Variants in DNAH17 observed in about 807,000 individuals in gnomAD.
The protein encoded by DNAH17 is axonemal beta dynein heavy chain 17.
DNAH17 carries 376 observed loss-of-function variants against 485.6 expected under a neutral mutation model. That is an observed-to-expected ratio of 0.77 (90% confidence interval 0.71 to 0.84). The LOEUF (loss-of-function observed/expected upper bound fraction) is 0.84, where lower values mean the gene tolerates loss of function less well. DNAH17 is among the 40% of genes least tolerant of loss of function. DNAH17 has a pLI of 0.00. For synonymous variants in DNAH17, 3,031 were observed against 2,405.9 expected, an observed-to-expected ratio of 1.26 and a Z score of -7.60; for missense variants, 6,370 against 5,839.3, an observed-to-expected ratio of 1.09 and a Z score of -2.96.
At chr17:78,496,180 A>T (rs994910974) in intron 37 of DNAH17, 148 bp from the exon 38 acceptor site, 3 of 952,866 alleles carry the variant, frequency 3.1e-6, no homozygotes, top group African/African-American at 3.3e-5. Context: ...TAAGCCTTTT[A>T]TTTTTGAGAA....
chr17:78,504,929 G>A (rs1364498694), intron 31 of DNAH17, among the ~76,000 whole-genome samples: 10 of 122,274 alleles, frequency 8.2e-5, no homozygotes, highest in South Asian at 2.6e-4. Flanking sequence ...TTTTTGAGAC[G>A]GAGTCTCACT....
intron 62 of DNAH17, among the ~76,000 whole-genome samples, chr17:78,457,966 G>A (rs186259441): frequency 6.6e-6 from 1 of 150,602 alleles, no homozygotes; most frequent in Admixed American, 6.6e-5. Context: ...CAGCTAGTCT[G>A]GCTAATTTTT....
Position 78,428,614 on chromosome 17 carries a change from T to C in DNAH17, c.12499A>G (p.Thr4167Ala). Residue 4167 changes from threonine to alanine, a missense_variant, in exon 77 of 81, where the codon ACC becomes GCC. By Grantham distance (58) the Thr-to-Ala change is moderately conservative. Transcript: ENST00000389840. ...ACAGTGCGGAACAGCTTCTCTGAGGTGACCGTCAGAAAGCCAATCTCTGCG... is the reference window on the plus strand; with the variant it reads ...ACAGTGCGGAACAGCTTCTCTGAGGCGACCGTCAGAAAGCCAATCTCTGCG... ...PNAEIGFLTV[T>A]SEKLFRTVLE... 1 of 1,613,928 alleles carries C rather than the reference T, an allele frequency of 6.2e-7. No individual in the cohort carries two copies. Among genetic ancestry groups the C allele is most frequent in the Non-Finnish European group, 8.5e-7 (1 of 1,179,892 alleles).
chr17:78,539,189 T>G (rs2091457010), intron 18 of DNAH17, among the ~76,000 whole-genome samples: 1 of 151,986 alleles, frequency 6.6e-6, no homozygotes, highest in African/African-American at 2.4e-5. Flanking sequence ...GAGATCATGC[T>G]ACTGCACTCC....
intron 16 of DNAH17, among the ~76,000 whole-genome samples, chr17:78,545,689 G>A (rs566216426): frequency 6.6e-6 from 1 of 152,270 alleles, no homozygotes; most frequent in South Asian, 2.1e-4. Flanking sequence ...ACAGTCCATG[G>A]CAGTATAATA....
intron 13 of DNAH17, among the ~76,000 whole-genome samples, chr17:78,560,372 G>T (rs938594161): frequency 4.6e-5 from 7 of 152,056 alleles, no homozygotes; most frequent in Non-Finnish European, 7.4e-5. Flanking sequence ...TGAACTTTCC[G>T]GGTTTTAGCC....
rs369770530 is a variant in DNAH17, at chr17:78,501,859, G to A, written c.5205C>T (p.Asn1735=). ...DYNKKQISQL[N]VLITLLMGNL... is the part of the protein sequence containing the mutation. ...TCCCCATGAGCAGCGTGATGAGTAC[G>A]TTCAGCTGGCTAATCTGCGGGGGAG... The change falls in exon 34 of 81, where the codon AAC becomes AAT. Residue 1735 remains asparagine (N), a synonymous_variant. Transcript: ENST00000389840. 8.1e-6 allele frequency: 13 copies of A among 1,614,036 alleles called. No individual in the cohort carries two copies. Among genetic ancestry groups the A allele is most frequent in the Middle Eastern group, 3.3e-4 (2 of 6,062 alleles).
intron 61 of DNAH17, 102 bp downstream of exon 61, chr17:78,458,899 T>C (rs1026930731): frequency 2.3e-6 from 3 of 1,323,064 alleles, no homozygotes; most frequent in Non-Finnish European, 2.1e-6. Context: ...GAATAATTCA[T>C]GACGGCGGGC....
In DNAH17 at chr17:78,468,883, T is replaced by G; in HGVS notation, c.8512A>C (p.Ile2838Leu). 6.2e-7 allele frequency: 1 copy of G among 1,612,354 alleles called. No individual in the cohort carries two copies. Among genetic ancestry groups the G allele is most frequent in the Admixed American group, 1.7e-5 (1 of 60,016 alleles). ...TTTATGTACTGAGCAGCGAGGTCAATCTGGACGGAGTGAGGACACGCTTAG... is the reference window on the plus strand; with the variant it reads ...TTTATGTACTGAGCAGCGAGGTCAAGCTGGACGGAGTGAGGACACGCTTAG... ...KKGYGIPDLK[I>L]DLAAQYIKAA... The change falls in exon 55 of 81, where the codon ATT becomes CTT. Residue 2838 changes from isoleucine to leucine, a missense_variant and splice_region_variant. Coordinates refer to ENST00000389840, the MANE Select transcript of DNAH17 (RefSeq NM_173628.4).
intron 75 of DNAH17, among the ~76,000 whole-genome samples, chr17:78,429,533 A>C (rs1036990): frequency 0.14 from 21,044 of 151,894 alleles, 1,631 homozygotes; most frequent in Middle Eastern, 0.2. Context: ...GGCTTCTCTC[A>C]CAAGGGGCTG....
rs775503600 is a variant in DNAH17 at position 78,499,046 on chromosome 17, G to T, written c.5707C>A (p.Arg1903Ser). Residue 1903 changes from arginine (R) to serine (S), a missense_variant, in exon 37 of 81, where the codon CGC (arginine) becomes AGC (serine). Physicochemically the swap from Arg to Ser is moderately radical, Grantham distance 110. Transcript: ENST00000389840. ...GAWGCFDEFN[R>S]ISVEVLSVIA... is the part of the protein sequence containing the mutation. The stretch of plus-strand genomic sequence containing the variant: ...ACAGACAAGACTTCCACTGAGATGC[G>T]ATTAAACTCGTCAAAGCAGCCCCAG... 5.0e-6 allele frequency: 8 copies of T among 1,610,586 alleles called. No individual in the cohort carries two copies. The highest frequency in any genetic ancestry group is 6.8e-6 in the Non-Finnish European group (8 of 1,178,442).
chr17:78,569,248 T>A lies in DNAH17; in HGVS notation c.1202A>T (p.Lys401Ile). 1 of 1,605,836 alleles carries A rather than the reference T, an allele frequency of 6.2e-7. No homozygotes were observed. The highest frequency in any genetic ancestry group is 1.7e-5 in the Admixed American group (1 of 58,568). ...CVNMKLFFKDKEPVPWEFPSS... is the reference protein window; with the variant it reads ...CVNMKLFFKDIEPVPWEFPSS... ...AGGGAATTCCCAAGGCACGGGCTCT[T>A]TGTCCTTAGAGGAGAGAAAGAGAGA... Residue 401 changes from lysine to isoleucine, a missense_variant, in exon 9 of 81, where the codon AAA (lysine) becomes ATA (isoleucine). By Grantham distance (102) the Lys-to-Ile change is moderately radical (BLOSUM62 -3). Coordinates refer to ENST00000389840, the MANE Select transcript of DNAH17 (RefSeq NM_173628.4).
intron 25 of DNAH17, among the ~76,000 whole-genome samples, chr17:78,519,510 G>GA (rs1353661989): frequency 6.6e-6 from 1 of 152,092 alleles, no homozygotes; most frequent in African/African-American, 2.4e-5. Flanking sequence ...CTTTTTCTTT[G>GA]AAAAATCAAT....
intron 54 of DNAH17, among the ~76,000 whole-genome samples, chr17:78,469,826 G>A (rs2088660957): frequency 6.6e-6 from 1 of 152,148 alleles, no homozygotes; most frequent in African/African-American, 2.4e-5. Context: ...AGACACGAAA[G>A]GACAAATACC....
At position 78,492,758 on chromosome 17, in the gene DNAH17, T is replaced by G. The variant is rs201761004; in HGVS notation, c.6416A>C (p.Lys2139Thr). Residue 2139 changes from lysine to threonine, a missense_variant, in exon 42 of 81, where the codon AAA (lysine) becomes ACA (threonine). Coordinates refer to ENST00000389840, the MANE Select transcript of DNAH17 (RefSeq NM_173628.4). Reference protein sequence around the residue: ...NAGSGKSQVLKSLNKTYQNLK... With the variant: ...NAGSGKSQVLTSLNKTYQNLK... ...GTTCTGATAGGTCTTGTTGAGGGAT[T>G]TGAGGACCTGGCGAAGGTGGGGGTC... 3 of 1,611,456 alleles carry G rather than the reference T, an allele frequency of 1.9e-6. No homozygotes were observed. The highest frequency in any genetic ancestry group is 2.2e-5 in the South Asian group (2 of 90,498).
Position 78,526,688 on chromosome 17 carries a change from G to A in DNAH17, c.3674C>T (p.Ser1225Phe). 6.2e-7 allele frequency: 1 copy of A among 1,610,998 alleles called. No individual in the cohort carries two copies. Among genetic ancestry groups the A allele is most frequent in the East Asian group, 2.2e-5 (1 of 44,776 alleles). ...CTTGTAGGGGTTGGGGTCGCTGAAG[G>A]AGAACGGGGCCTCGCGCCTGAACCT... is the stretch of plus-strand genomic sequence containing the variant. Reference protein sequence around the residue: ...RERFRREAPFSFSDPNPYKSL... With the variant: ...RERFRREAPFFFSDPNPYKSL... Residue 1225 changes from serine to phenylalanine, a missense_variant, in exon 24 of 81, where the codon TCC (serine) becomes TTC (phenylalanine). By Grantham distance (155) the Ser-to-Phe change is radical. Coordinates refer to ENST00000389840, the MANE Select transcript of DNAH17 (RefSeq NM_173628.4).
chr17:78,523,280 T>C (rs1260404329), intron 25 of DNAH17, among the ~76,000 whole-genome samples: 1 of 151,978 alleles, frequency 6.6e-6, no homozygotes, highest in African/African-American at 2.4e-5. Flanking sequence ...CCTGCCACCA[T>C]GCCCAACTAA....
chr17:78,560,962 C>T (rs1212114845), intron 12 of DNAH17, 27 bp from the exon 13 acceptor site: 7 of 1,537,514 alleles, frequency 4.6e-6, no homozygotes, highest in African/African-American at 1.4e-5. Flanking sequence ...AAGGCGAGGC[C>T]CCACTGGATA....
chr17:78,456,419 C>T (rs553352049), intron 62 of DNAH17, among the ~76,000 whole-genome samples: 2 of 152,124 alleles, frequency 1.3e-5, no homozygotes, highest in African/African-American at 2.4e-5. Flanking sequence ...CATTGACACC[C>T]GGCTATGGCT....
Sources: gnomAD v4.1 joint callset for allele counts (sites outside exome capture counted in the v4.1 genomes callset) on GRCh38, gnomAD v4.1.1 for gene constraint, MANE v1.5 for transcripts, NCBI Gene and HGNC (gene_info 2026-07-23, HGNC 2026-07-21) for gene names.